CEP350: variants seen among roughly 807,000 people sequenced by gnomAD.
CEP350 encodes the protein centrosomal protein 350.
In CEP350, 126 loss-of-function variants were observed where a neutral mutation model predicts 331.8. The ratio of observed to expected loss-of-function variants is 0.38; its 90% CI spans 0.33 to 0.44. The LOEUF (loss-of-function observed/expected upper bound fraction) is 0.44. Ranked by LOEUF, CEP350 falls within the 20% of genes least tolerant of loss-of-function variation. The pLI is 1.00. For synonymous variants in CEP350, 1,200 were observed against 1,259.5 expected, an observed-to-expected ratio of 0.95 and a Z score of 1.00; for missense variants, 3,406 against 3,634.6, an observed-to-expected ratio of 0.94 and a Z score of 1.62.
intron 27 of CEP350, 106 bp from the exon 28 acceptor site, chr1:180,074,916 C>T (rs1331427390): frequency 2.1e-6 from 2 of 933,326 alleles, no homozygotes; most frequent in East Asian, 5.4e-5. Context: ...TATGAATGTT[C>T]TGCTTTTGCA....
intron 14 of CEP350, among the ~76,000 whole-genome samples, chr1:180,028,215 C>T (rs554400833): frequency 6.6e-6 from 1 of 152,252 alleles, no homozygotes; most frequent in East Asian, 1.9e-4. Context: ...TATGCTAGTG[C>T]ATTACTTATT....
rs564044556 is a variant in CEP350 at position 180,020,372 on chromosome 1, A to C, written c.2598A>C (p.Ala866=). The C allele has an allele frequency of 2.5e-6, 4 of 1,613,814 alleles. No homozygotes were observed. The highest frequency in any genetic ancestry group is 3.4e-6 in the Non-Finnish European group (4 of 1,179,904). The part of the protein sequence containing the change: ...AWNTEYDVQQ[A]PQEDGPWTKA... ...ACACTGAGTATGATGTGCAGCAGGC[A>C]CCTCAAGAAGATGGACCTTGGACCA... Residue 866 remains alanine, a synonymous_variant, in exon 12 of 38, where the codon GCA becomes GCC. Coordinates refer to ENST00000367607, the MANE Select transcript of CEP350 (RefSeq NM_014810.5).
At chr1:179,990,149 G>C (rs1652945058) in intron 3 of CEP350, among the ~76,000 whole-genome samples, 1 of 151,632 alleles carries the variant, frequency 6.6e-6, no homozygotes, top group Non-Finnish European at 1.5e-5. Flanking sequence ...TCACGCCACT[G>C]CACTCCAGCC....
intron 1 of CEP350, among the ~76,000 whole-genome samples, chr1:179,965,465 C>A (rs577164880): frequency 1.3e-5 from 2 of 152,152 alleles, no homozygotes; most frequent in Admixed American, 6.5e-5. Context: ...CTTTGACGTT[C>A]TGTTTCTAAT....
intron 16 of CEP350, among the ~76,000 whole-genome samples, chr1:180,035,999 G>A (rs545865214): frequency 1.3e-5 from 2 of 152,304 alleles, no homozygotes; most frequent in African/African-American, 4.8e-5. Context: ...GTTGTGATTC[G>A]TGGAAGGAGA....
At chr1:180,061,472 G>A (rs1022985317) in intron 25 of CEP350, among the ~76,000 whole-genome samples, 3 of 152,172 alleles carry the variant, frequency 2.0e-5, no homozygotes, top group African/African-American at 7.2e-5. Context: ...AGGATTACAG[G>A]TGTGAGCCAC....
chr1:180,012,171 T>G (rs888184176), intron 9 of CEP350, 96 bp downstream of exon 9: 12 of 1,169,520 alleles, frequency 1.0e-5, no homozygotes, highest in African/African-American at 1.6e-5. Context: ...GTGTTAGGAC[T>G]TTGCTTTATA....
intron 17 of CEP350, among the ~76,000 whole-genome samples, chr1:180,039,805 C>A (rs927661988): frequency 5.9e-5 from 9 of 152,028 alleles, no homozygotes; most frequent in Admixed American, 2.6e-4. Flanking sequence ...ACAACAACAA[C>A]AAAAAGCCTG....
intron 2 of CEP350, 89 bp downstream of exon 2, chr1:179,986,343 T>C (rs1159649032): frequency 1.3e-6 from 1 of 768,160 alleles, no homozygotes. Flanking sequence ...ATTATACCTA[T>C]GCTTTGATTT....
In CEP350 at chr1:180,096,106, T is replaced by C; in HGVS notation, c.8988T>C (p.Pro2996=). The C allele has an allele frequency of 1.3e-6, 2 of 1,560,814 alleles. No homozygotes were observed. Among genetic ancestry groups the C allele is most frequent in the Non-Finnish European group, 8.7e-7 (1 of 1,150,798 alleles). ...IFAEDPNLNQ[P]VWMKPCRINS... is the part of the protein sequence containing the mutation. ...CTGAGGATCCCAACTTAAATCAACC[T>C]GTCTGGATGAAGCCATGTAGAATCA... is the stretch of plus-strand genomic sequence containing the variant. The change falls in exon 36 of 38, where the codon CCT becomes CCC. Residue 2996 remains proline (P), a synonymous_variant. Transcript: ENST00000367607.
chr1:180,099,069 T>C, intron 37 of CEP350, 84 bp downstream of exon 37: 1 of 1,341,698 alleles, frequency 7.5e-7, no homozygotes, highest in Non-Finnish European at 1.0e-6. Flanking sequence ...GGAAAAGGGA[T>C]AGACTTATTC....
intron 25 of CEP350, 129 bp downstream of exon 25, chr1:180,054,631 A>G (rs1439345066): frequency 4.5e-6 from 3 of 672,862 alleles, no homozygotes; most frequent in Non-Finnish European, 8.1e-6. Flanking sequence ...TCCACTGTTT[A>G]TGTTCATACT....
chr1:180,011,708 T>G (rs1370379193), intron 8 of CEP350, among the ~76,000 whole-genome samples: 1 of 152,238 alleles, frequency 6.6e-6, no homozygotes, highest in East Asian at 1.9e-4. Context: ...TACTTAACTT[T>G]CAAAGCATTT....
chr1:179,956,483 A>G (rs891402464), intron 1 of CEP350, among the ~76,000 whole-genome samples: 6 of 152,146 alleles, frequency 3.9e-5, no homozygotes, highest in Admixed American at 6.5e-5. Context: ...TGTGTCATGT[A>G]AGAGCGTTAA....
In CEP350 at chr1:179,987,226, A is replaced by ATT; in HGVS notation, c.74-7_74-6dup. On this transcript the variant is annotated splice_polypyrimidine_tract_variant and intron_variant, in intron 2 of 37. Coordinates refer to ENST00000367607, the MANE Select transcript of CEP350 (RefSeq NM_014810.5). The stretch of plus-strand genomic sequence containing the variant: ...CTGGTTGATTGATAAAGTAAATATC[A>ATT]TTTTTTTTCCCAGCAGATATAACCA... The ATT allele has an allele frequency of 1.4e-6, 2 of 1,449,642 alleles. No individual in the cohort carries two copies. The highest frequency in any genetic ancestry group is 1.9e-6 in the Non-Finnish European group (2 of 1,051,116). The allele number at this position is 1,449,642 out of a possible 1,614,324, so 89.8% of individuals were successfully genotyped here.
At position 180,078,482 on chromosome 1, in the gene CEP350, A is replaced by C; in HGVS notation, c.5787A>C (p.Glu1929Asp). Residue 1929 changes from glutamate to aspartate, a missense_variant, in exon 29 of 38, where the codon GAA (glutamate) becomes GAC (aspartate). Transcript: ENST00000367607. ...GTCTAGAAATAGCAAGTGAAGAGGAATCTCCAGTACCTCTGTACTCTCATC... is the reference window on the plus strand; with the variant it reads ...GTCTAGAAATAGCAAGTGAAGAGGACTCTCCAGTACCTCTGTACTCTCATC... ...TEQKEIASEE[E>D]SPVPLYSHLN... The C allele has an allele frequency of 6.2e-7, 1 of 1,612,526 alleles. No homozygotes were observed. The highest frequency in any genetic ancestry group is 8.5e-7 in the Non-Finnish European group (1 of 1,179,312).
intron 6 of CEP350, among the ~76,000 whole-genome samples, chr1:180,001,341 C>A (rs963051785): frequency 2.0e-5 from 3 of 152,154 alleles, no homozygotes; most frequent in African/African-American, 7.2e-5. Flanking sequence ...TCACTGCAAC[C>A]TCCACCTCCT....
At chr1:179,967,422 CT>C (rs1431426801) in intron 1 of CEP350, among the ~76,000 whole-genome samples, 1 of 151,952 alleles carries the variant, frequency 6.6e-6, no homozygotes, top group Admixed American at 6.6e-5. Context: ...CATTTCTTTT[CT>C]TTTTTTGAGA....
intron 1 of CEP350, among the ~76,000 whole-genome samples, chr1:179,982,313 C>CAT (rs1290265937): frequency 5.3e-5 from 8 of 152,166 alleles, no homozygotes; most frequent in African/African-American, 1.7e-4. Context: ...ATGGTATATA[C>CAT]TCTTGTTTCT....
Sources: allele counts gnomAD v4.1 joint callset (sites outside exome capture counted in the v4.1 genomes callset), GRCh38; gene constraint gnomAD v4.1.1; transcripts MANE v1.5; gene names NCBI Gene and HGNC (gene_info 2026-07-23, HGNC 2026-07-21).